The following GABRG3 variants were observed in gnomAD, a reference collection of about 807,000 sequenced individuals.
GABRG3 encodes gamma-aminobutyric acid type A receptor subunit gamma3.
A neutral mutation model predicts 48.8 loss-of-function variants in GABRG3; 25 were observed. That is an observed-to-expected ratio of 0.51 (90% CI 0.37 to 0.72). The LOEUF (loss-of-function observed/expected upper bound fraction) is 0.72. GABRG3 is among the 30% of genes least tolerant of loss of function. The pLI, the probability that GABRG3 is intolerant of heterozygous loss-of-function variation, is 0.00. For synonymous variants in GABRG3, 227 were observed against 217.6 expected, an observed-to-expected ratio of 1.04 and a Z score of -0.38; for missense variants, 394 against 577.9, an observed-to-expected ratio of 0.68 and a Z score of 3.26.
At chr15:27,387,363 T>TA (rs779268988) in intron 5 of GABRG3, among the ~76,000 whole-genome samples, 97 of 152,248 alleles carry the variant, frequency 6.4e-4, no homozygotes, top group Non-Finnish European at 7.8e-4. Context: ...AATAAATGGG[T>TA]TAGTTTTTGA....
intron 3 of GABRG3, among the ~76,000 whole-genome samples, chr15:27,313,262 G>GTATGTA (rs1893076810): frequency 2.9e-5 from 1 of 34,564 alleles, no homozygotes; most frequent in African/African-American, 9.0e-5. Context: ...GTGTGTGTGT[G>GTATGTA]TATATATATA....
chr15:27,394,141 G>A (rs72705718), intron 5 of GABRG3, among the ~76,000 whole-genome samples: 6,927 of 152,106 alleles, frequency 0.046, 266 homozygotes, highest in South Asian at 0.2. Context: ...TTTGTTTTCT[G>A]TATGTCTTAG....
chr15:27,135,300 G>C (rs1897989515), intron 3 of GABRG3, among the ~76,000 whole-genome samples: 1 of 152,158 alleles, frequency 6.6e-6, no homozygotes, highest in East Asian at 1.9e-4. Context: ...TAATAGCTTT[G>C]AGAATAAGAG....
rs143385252 is a variant in GABRG3, at chr15:27,256,539, C to T, written c.271-70270C>T. Among the ~76,000 whole-genome samples the T allele has an allele frequency of 2.4e-3, 368 of 151,954 alleles. 1 individual carries two copies. Among genetic ancestry groups the T allele is most frequent in the African/African-American group, 8.3e-3 (342 of 41,428 alleles). On this transcript the variant is annotated intron_variant, in intron 3 of 9. Coordinates refer to ENST00000615808, the MANE Select transcript of GABRG3 (RefSeq NM_033223.5). ...AAGGGGGCTGGGATCAAGATATGAC[C>T]GATGACCTCAGACATTTCGGGGTGC...
At position 27,472,108 on chromosome 15, in the gene GABRG3, T is replaced by A. The variant is rs189884088; in HGVS notation, c.575-8542T>A. Among the ~76,000 whole-genome samples, 29 of 152,352 alleles carry A rather than the reference T, an allele frequency of 1.9e-4. No individual in the cohort carries two copies. The East Asian group carries it at 2.9e-3, about 15-fold the overall frequency. On this transcript the variant is annotated intron_variant, in intron 5 of 9. Transcript: ENST00000615808. ...AATATAGTGTGTCTTTACATTTTTT[T>A]AATCTATGTTTGGCTCAGTAATAAC...
intron 3 of GABRG3, among the ~76,000 whole-genome samples, chr15:27,305,411 C>A (rs908667973): frequency 6.7e-6 from 1 of 150,010 alleles, no homozygotes; most frequent in African/African-American, 2.4e-5. Context: ...GAATAGAAGA[C>A]CCAACGTGGT....
chr15:27,035,234 T>A (rs1896155709), intron 3 of GABRG3, among the ~76,000 whole-genome samples: 1 of 152,196 alleles, frequency 6.6e-6, no homozygotes, highest in Non-Finnish European at 1.5e-5. Context: ...GTCTTAGAAC[T>A]TGTCACCATT....
At chr15:27,226,190 C>G (rs1484840749) in intron 3 of GABRG3, among the ~76,000 whole-genome samples, 1 of 152,096 alleles carries the variant, frequency 6.6e-6, no homozygotes, top group African/African-American at 2.4e-5. Flanking sequence ...GGACCTGGCA[C>G]TCCTGGGTAT....
At chr15:27,130,923 A>C (rs953934215) in intron 3 of GABRG3, among the ~76,000 whole-genome samples, 2 of 151,814 alleles carry the variant, frequency 1.3e-5, no homozygotes, top group Admixed American at 6.6e-5. Context: ...TTTCTTTGTT[A>C]TTATTTTTTT....
At chr15:27,524,954 T>G (rs957254498) in intron 7 of GABRG3, among the ~76,000 whole-genome samples, 2 of 152,112 alleles carry the variant, frequency 1.3e-5, no homozygotes, top group Admixed American at 1.3e-4. Flanking sequence ...ATGATCCAAC[T>G]ACAATGTGTC....
intron 5 of GABRG3, among the ~76,000 whole-genome samples, chr15:27,428,550 C>CT (rs978467024): frequency 6.6e-6 from 1 of 152,198 alleles, no homozygotes; most frequent in Non-Finnish European, 1.5e-5. Flanking sequence ...TTTATTGACA[C>CT]TTTTTTTATT....
intron 5 of GABRG3, among the ~76,000 whole-genome samples, chr15:27,354,642 T>C (rs922008646): frequency 1.3e-5 from 2 of 152,214 alleles, no homozygotes; most frequent in Non-Finnish European, 2.9e-5. Context: ...TTCTGATTTT[T>C]ATGGGTTGCA....
intron 2 of GABRG3, among the ~76,000 whole-genome samples, chr15:27,002,384 G>C (rs891795): frequency 0.21 from 32,579 of 152,020 alleles, 3,968 homozygotes; most frequent in African/African-American, 0.33. Flanking sequence ...CCTCAGCATG[G>C]ATTCTGATTT....
chr15:27,351,465 GTGTA>G (rs1894587476), intron 5 of GABRG3, among the ~76,000 whole-genome samples: 2 of 145,276 alleles, frequency 1.4e-5, no homozygotes, highest in African/African-American at 5.2e-5. Context: ...GTGTTTGTGT[GTGTA>G]TGTTTGTATG....
intron 6 of GABRG3, among the ~76,000 whole-genome samples, chr15:27,508,784 G>A (rs1337064928): frequency 6.6e-6 from 1 of 151,934 alleles, no homozygotes; most frequent in Non-Finnish European, 1.5e-5. Flanking sequence ...CGTGATCTCG[G>A]CTCACTGCAA....
At chr15:27,368,522 T>C (rs537831646) in intron 5 of GABRG3, among the ~76,000 whole-genome samples, 1 of 152,362 alleles carries the variant, frequency 6.6e-6, no homozygotes, top group South Asian at 2.1e-4. Context: ...AGTAATTCTG[T>C]CCAAGGTGCA....
At chr15:27,507,668 T>C (rs1203603987) in intron 6 of GABRG3, among the ~76,000 whole-genome samples, 1 of 152,198 alleles carries the variant, frequency 6.6e-6, no homozygotes, top group Non-Finnish European at 1.5e-5. Context: ...TTATAAATAA[T>C]GTCAAACTGG....
chr15:27,468,387 G>A (rs1182201721), intron 5 of GABRG3, among the ~76,000 whole-genome samples: 1 of 152,134 alleles, frequency 6.6e-6, no homozygotes, highest in Non-Finnish European at 1.5e-5. Context: ...ACAAATATGG[G>A]TGTTCCTGGA....
At chr15:27,099,128 A>ATATG (rs1897313987) in intron 3 of GABRG3, among the ~76,000 whole-genome samples, 1 of 152,222 alleles carries the variant, frequency 6.6e-6, no homozygotes. Context: ...ATTGGGCAAA[A>ATATG]TATGTAGTAT....
Sources: gnomAD v4.1 joint callset for allele counts (sites outside exome capture counted in the v4.1 genomes callset) on GRCh38, gnomAD v4.1.1 for gene constraint, MANE v1.5 for transcripts, NCBI Gene and HGNC (gene_info 2026-07-23, HGNC 2026-07-21) for gene names.